Variants in GRID2 observed in about 807,000 individuals in gnomAD.
GRID2 encodes glutamate receptor ionotropic, delta-2.
Under a neutral mutation model 114.8 loss-of-function variants are expected in GRID2, and 33 were observed. The observed-to-expected ratio is 0.29, with a 90% CI of 0.22 to 0.38. The LOEUF (loss-of-function observed/expected upper bound fraction) is 0.38. Ranked by LOEUF, GRID2 falls within the 10% of genes least tolerant of loss-of-function variation. The probability of loss-of-function intolerance (pLI) is 1.00; values close to 1 mark genes in which losing one functional copy is unlikely to be tolerated. For synonymous variants in GRID2, 505 were observed against 449.9 expected (o/e 1.12, Z -1.55); for missense variants, 1,184 against 1,257.7 (o/e 0.94, Z 0.89).
chr4:92,750,294 C>G (rs1015669741), intron 2 of GRID2, among the ~76,000 whole-genome samples: 4 of 152,194 alleles, frequency 2.6e-5, no homozygotes, highest in African/African-American at 9.7e-5. Flanking sequence ...GAAATACTTC[C>G]TCCAAACAGG....
intron 14 of GRID2, among the ~76,000 whole-genome samples, chr4:93,673,409 C>CA (rs1724595642): frequency 6.6e-6 from 1 of 152,114 alleles, no homozygotes; most frequent in East Asian, 1.9e-4. Context: ...CAAAATAATG[C>CA]AAAAAAGACA....
intron 13 of GRID2, among the ~76,000 whole-genome samples, chr4:93,608,445 A>C (rs751802119): frequency 7.0e-6 from 1 of 143,718 alleles, no homozygotes; most frequent in Non-Finnish European, 1.5e-5. Flanking sequence ...ATATCTCCCA[A>C]TGCTATCCCT....
chr4:92,581,842 G>A lies in GRID2; in HGVS notation c.89-8289G>A, dbSNP rs186298169. Among the ~76,000 whole-genome samples, 464 of 152,088 alleles carry A rather than the reference G, an allele frequency of 3.1e-3. 1 individual carries two copies. The highest frequency in any genetic ancestry group is 0.011 in the African/African-American group (446 of 41,528). On this transcript the variant is annotated intron_variant, in intron 1 of 15. Transcript: ENST00000282020. ...AATGTAAATTACAATGCACATTCAA[G>A]GATTTCTGTATAATCATTTTAAATA...
Position 92,493,511 on chromosome 4 carries a change from AGT to A in GRID2, c.89-96615_89-96614del, listed in dbSNP as rs536722133. 2.1e-4 allele frequency among the ~76,000 whole-genome samples: 32 copies of A among 152,298 alleles called. No homozygotes were observed. In the South Asian group the frequency reaches 6.6e-3, roughly 32 times the overall value. ...GAGACTAACCTTCAATTAATGACGG[AGT>A]GTGTCAGCTGCTCTAAACTCAAGTG... On this transcript the variant is annotated intron_variant, in intron 1 of 15. Coordinates refer to ENST00000282020, the MANE Select transcript of GRID2 (RefSeq NM_001510.4).
chr4:93,423,074 G>A (rs1768462097), intron 10 of GRID2, 106 bp downstream of exon 10: 1 of 761,522 alleles, frequency 1.3e-6, no homozygotes, highest in Non-Finnish European at 2.2e-6. Context: ...TATAAAATAA[G>A]TGTGATGTAT....
At chr4:92,425,079 G>C (rs1732092813) in intron 1 of GRID2, among the ~76,000 whole-genome samples, 1 of 151,920 alleles carries the variant, frequency 6.6e-6, no homozygotes, top group South Asian at 2.1e-4. Flanking sequence ...ATAATTATAA[G>C]ATGAATTTTC....
At chr4:93,034,907 A>G (rs1210339785) in intron 2 of GRID2, among the ~76,000 whole-genome samples, 3 of 152,160 alleles carry the variant, frequency 2.0e-5, no homozygotes, top group African/African-American at 7.2e-5. Flanking sequence ...TGTTCAGCAT[A>G]TTCTTGGACA....
chr4:93,470,621 C>T (rs961662805), intron 11 of GRID2, among the ~76,000 whole-genome samples: 1 of 152,022 alleles, frequency 6.6e-6, no homozygotes, highest in African/African-American at 2.4e-5. Context: ...ATATTACATA[C>T]GTGTGTGTAT....
intron 2 of GRID2, among the ~76,000 whole-genome samples, chr4:92,875,243 A>G (rs1451991426): frequency 2.8e-5 from 4 of 142,404 alleles, no homozygotes; most frequent in African/African-American, 1.1e-4. Flanking sequence ...GCCTACTGCA[A>G]CCTCTGCCTC....
intron 3 of GRID2, among the ~76,000 whole-genome samples, chr4:93,108,085 G>T (rs1732421956): frequency 6.6e-6 from 1 of 152,040 alleles, no homozygotes; most frequent in African/African-American, 2.4e-5. Context: ...TTTCTGAGCT[G>T]TTGCCTTTTC....
chr4:93,614,633 G>T (rs142425405), intron 13 of GRID2, among the ~76,000 whole-genome samples: 2 of 152,036 alleles, frequency 1.3e-5, no homozygotes, highest in Non-Finnish European at 2.9e-5. Flanking sequence ...TCAATAAGTA[G>T]TAACTGATAG....
intron 1 of GRID2, among the ~76,000 whole-genome samples, chr4:93,806,241 G>C (rs774722338): frequency 6.6e-6 from 1 of 152,114 alleles, no homozygotes; most frequent in Non-Finnish European, 1.5e-5. Flanking sequence ...TTTATGCATG[G>C]TCTGGAACCA....
chr4:92,318,146 T>C (rs957370278), intron 1 of GRID2, among the ~76,000 whole-genome samples: 2 of 151,716 alleles, frequency 1.3e-5, no homozygotes, highest in African/African-American at 4.8e-5. Flanking sequence ...CACATGACAA[T>C]GATAAATGCA....
In GRID2 at chr4:93,364,619, G is replaced by C. The variant is rs72666987; in HGVS notation, c.1246-30988G>C. ...CTAAAATAACTGGGACTACCACCCA[G>C]TCAAATGCCACCACATTTGACTAAT... On this transcript the variant is annotated intron_variant, in intron 8 of 15. Transcript: ENST00000282020. Among the ~76,000 whole-genome samples, 66 of 152,094 alleles carry C rather than the reference G, an allele frequency of 4.3e-4. 1 individual carries two copies. The highest frequency in any genetic ancestry group is 4.3e-3 in the Admixed American group (65 of 15,256).
chr4:93,759,851 A>G (rs1440550707), intron 14 of GRID2, among the ~76,000 whole-genome samples: 1 of 152,178 alleles, frequency 6.6e-6, no homozygotes, highest in Non-Finnish European at 1.5e-5. Context: ...TGAGTAGCAG[A>G]CTCTCAGTTT....
At chr4:92,359,817 T>G (rs1392566905) in intron 1 of GRID2, among the ~76,000 whole-genome samples, 1 of 151,926 alleles carries the variant, frequency 6.6e-6, no homozygotes, top group Non-Finnish European at 1.5e-5. Flanking sequence ...GCCAAAACAT[T>G]TTTTCCTAGG....
intron 2 of GRID2, among the ~76,000 whole-genome samples, chr4:92,784,304 A>G (rs923091929): frequency 6.6e-6 from 1 of 151,950 alleles, no homozygotes; most frequent in Non-Finnish European, 1.5e-5. Context: ...CATTTTTATT[A>G]TTTTAACAAA....
At chr4:93,097,954 G>T (rs772597353) in intron 3 of GRID2, among the ~76,000 whole-genome samples, 49 of 151,812 alleles carry the variant, frequency 3.2e-4, no homozygotes, top group Non-Finnish European at 6.0e-4. Flanking sequence ...TACTGCATAA[G>T]CACCACAAGC....
intron 2 of GRID2, among the ~76,000 whole-genome samples, chr4:92,750,432 G>A (rs564822827): frequency 6.6e-6 from 1 of 152,274 alleles, no homozygotes; most frequent in South Asian, 2.1e-4. Context: ...GAAAATATTA[G>A]TTCAATTCAA....
Sources: allele counts gnomAD v4.1 joint callset (sites outside exome capture counted in the v4.1 genomes callset), GRCh38; gene constraint gnomAD v4.1.1; transcripts MANE v1.5; gene names NCBI Gene and HGNC (gene_info 2026-07-23, HGNC 2026-07-21).